The following ROBO1 variants were observed in gnomAD, a reference collection of about 807,000 sequenced individuals.
The protein encoded by ROBO1 is roundabout guidance receptor 1, also known as roundabout homolog 1.
Under a neutral mutation model 195.9 loss-of-function variants are expected in ROBO1, and 149 were observed. That is an observed-to-expected ratio of 0.76 (90% confidence interval 0.67 to 0.87). The LOEUF is 0.87. Among genes scored for constraint, ROBO1 ranks in the 40% least tolerant of loss-of-function variants. ROBO1 has a pLI of 0.00. For synonymous variants in ROBO1, 816 were observed against 733.2 expected, an observed-to-expected ratio of 1.11 and a Z score of -1.82; for missense variants, 1,933 against 2,068.3, an observed-to-expected ratio of 0.93 and a Z score of 1.27.
chr3:78,935,595 A>G (rs112254082), intron 4 of ROBO1, among the ~76,000 whole-genome samples: 26 of 152,146 alleles, frequency 1.7e-4, no homozygotes, highest in African/African-American at 5.8e-4. Context: ...TAAAGTTTTA[A>G]ATAGAGCTGA....
intron 4 of ROBO1, among the ~76,000 whole-genome samples, chr3:78,895,283 C>A (rs887294530): frequency 2.6e-5 from 4 of 150,966 alleles, no homozygotes; most frequent in Non-Finnish European, 5.9e-5. Context: ...AATGCAGAAG[C>A]TTTAAACATA....
At chr3:79,129,315 C>G (rs182142798) in intron 2 of ROBO1, among the ~76,000 whole-genome samples, 2 of 151,936 alleles carry the variant, frequency 1.3e-5, no homozygotes, top group Non-Finnish European at 1.5e-5. Flanking sequence ...AAATATTTTG[C>G]GATATGGCTT....
chr3:79,220,311 T>G (rs2082115737), intron 2 of ROBO1, among the ~76,000 whole-genome samples: 1 of 152,070 alleles, frequency 6.6e-6, no homozygotes, highest in African/African-American at 2.4e-5. Context: ...ATTTGTCTAC[T>G]GAATGTTTTT....
intron 2 of ROBO1, among the ~76,000 whole-genome samples, chr3:79,354,998 T>G (rs1482714148): frequency 6.6e-6 from 1 of 151,944 alleles, no homozygotes; most frequent in African/African-American, 2.4e-5. Flanking sequence ...AAACCCCACG[T>G]CTACTAAGGA....
chr3:79,419,757 G>A (rs2038148992), intron 2 of ROBO1, among the ~76,000 whole-genome samples: 1 of 152,002 alleles, frequency 6.6e-6, no homozygotes, highest in African/African-American at 2.4e-5. Flanking sequence ...TAAGCCATAA[G>A]GAAAGTATAT....
chr3:79,566,508 C>T (rs2107729594), intron 2 of ROBO1, among the ~76,000 whole-genome samples: 1 of 152,188 alleles, frequency 6.6e-6, no homozygotes, highest in Admixed American at 6.6e-5. Context: ...ATCAGCAAAA[C>T]TATCACTTAA....
At chr3:79,753,454 G>A (rs887760035) in intron 1 of ROBO1, among the ~76,000 whole-genome samples, 2 of 152,170 alleles carry the variant, frequency 1.3e-5, no homozygotes, top group African/African-American at 4.8e-5. Context: ...TTGTACATGA[G>A]AGACTTATCT....
intron 3 of ROBO1, among the ~76,000 whole-genome samples, chr3:79,115,875 C>T (rs2079984188): frequency 6.6e-6 from 1 of 152,126 alleles, no homozygotes; most frequent in African/African-American, 2.4e-5. Flanking sequence ...TCATGCACAA[C>T]ATTGCTTCCA....
chr3:78,865,510 C>T (rs1372513356), intron 4 of ROBO1, among the ~76,000 whole-genome samples: 8 of 138,432 alleles, frequency 5.8e-5, no homozygotes, highest in Admixed American at 3.0e-4. Flanking sequence ...CTCGTTGTGT[C>T]GCCCAGGCTG....
At chr3:79,158,606 T>C (rs1478308581) in intron 2 of ROBO1, among the ~76,000 whole-genome samples, 1 of 151,748 alleles carries the variant, frequency 6.6e-6, no homozygotes, top group African/African-American at 2.4e-5. Flanking sequence ...AAATGTATTT[T>C]GTATTTTGTT....
chr3:79,656,349 G>T (rs533483706), intron 1 of ROBO1, among the ~76,000 whole-genome samples: 99 of 151,894 alleles, frequency 6.5e-4, no homozygotes, highest in African/African-American at 1.9e-3. Flanking sequence ...GAATTGGAAA[G>T]AAACTATAAA....
chr3:78,943,890 A>T (rs971912105), intron 3 of ROBO1, among the ~76,000 whole-genome samples: 3 of 152,234 alleles, frequency 2.0e-5, no homozygotes, highest in Non-Finnish European at 4.4e-5. Context: ...CTTCAGGAAA[A>T]AGATCTTCCA....
intron 1 of ROBO1, among the ~76,000 whole-genome samples, chr3:79,599,049 G>A (rs1944263773): frequency 6.6e-6 from 1 of 151,980 alleles, no homozygotes. Flanking sequence ...TGGTACTCAG[G>A]GCTGGGAGAC....
chr3:79,404,435 A>G (rs2037471565), intron 2 of ROBO1, among the ~76,000 whole-genome samples: 1 of 152,150 alleles, frequency 6.6e-6, no homozygotes, highest in African/African-American at 2.4e-5. Flanking sequence ...GTGCAGTACA[A>G]AATAGGTAAG....
At chr3:79,542,658 T>G (rs1254915397) in intron 2 of ROBO1, among the ~76,000 whole-genome samples, 1 of 152,040 alleles carries the variant, frequency 6.6e-6, no homozygotes, top group Admixed American at 6.6e-5. Context: ...CATTTAATCC[T>G]CAGGAAACTG....
intron 1 of ROBO1, among the ~76,000 whole-genome samples, chr3:79,592,471 A>G (rs906275489): frequency 5.3e-5 from 8 of 152,030 alleles, no homozygotes; most frequent in Admixed American, 3.3e-4. Flanking sequence ...TATGAATCAG[A>G]AATGGGAATT....
At chr3:79,454,194 A>T (rs1235015838) in intron 2 of ROBO1, among the ~76,000 whole-genome samples, 3 of 151,256 alleles carry the variant, frequency 2.0e-5, no homozygotes, top group Non-Finnish European at 2.9e-5. Context: ...CGGATTTAAG[A>T]CATACTTGAA....
intron 19 of ROBO1, among the ~76,000 whole-genome samples, chr3:78,649,291 G>A (rs1177235701): frequency 6.6e-6 from 1 of 152,090 alleles, no homozygotes; most frequent in East Asian, 1.9e-4. Context: ...AACTGAAGAA[G>A]AGATGAAAAG....
At chr3:79,271,213 A>T (rs577982951) in intron 2 of ROBO1, among the ~76,000 whole-genome samples, 2 of 152,140 alleles carry the variant, frequency 1.3e-5, no homozygotes, top group Admixed American at 6.6e-5. Flanking sequence ...ACATGGACAA[A>T]CAAACCATTA....
Sources: gnomAD v4.1 joint callset for allele counts (sites outside exome capture counted in the v4.1 genomes callset) on GRCh38, gnomAD v4.1.1 for gene constraint, MANE v1.5 for transcripts, NCBI Gene and HGNC (gene_info 2026-07-23, HGNC 2026-07-21) for gene names.